ERO1A: variants seen among roughly 807,000 people sequenced by gnomAD.
ERO1A encodes the protein endoplasmic reticulum oxidoreductase 1 alpha.
Under a neutral mutation model 76.9 loss-of-function variants are expected in ERO1A, and 49 were observed. The observed-to-expected ratio is 0.64, with a 90% CI of 0.51 to 0.81. ERO1A has a LOEUF of 0.81. ERO1A is among the 30% of genes least tolerant of loss of function. ERO1A has a pLI of 0.00. For missense variants in ERO1A, 448 were observed against 542.1 expected (o/e 0.83, Z 1.72); for synonymous variants, 174 against 181.2 (o/e 0.96, Z 0.32).
chr14:52,658,762 T>C (rs544896051), intron 9 of ERO1A, among the ~76,000 whole-genome samples: 24 of 152,106 alleles, frequency 1.6e-4, no homozygotes, highest in Non-Finnish European at 2.9e-4. Flanking sequence ...ACTATCTAAC[T>C]AGTGAACATG....
chr14:52,680,082 C>CAAAAAAAAAAAAAAAAAAACAAAAAA (rs2040938992), intron 3 of ERO1A, among the ~76,000 whole-genome samples: 1 of 90,934 alleles, frequency 1.1e-5, no homozygotes, highest in Admixed American at 1.3e-4. Flanking sequence ...AAAACACAAA[C>CAAAAAAAAAAAAAAAAAAACAAAAAA]AAAAAAAAAA....
At chr14:52,671,078 A>G (rs1301960237) in intron 6 of ERO1A, among the ~76,000 whole-genome samples, 3 of 152,212 alleles carry the variant, frequency 2.0e-5, no homozygotes, top group Non-Finnish European at 2.9e-5. Context: ...TACATTTCAT[A>G]TAAGTGAAAT....
intron 8 of ERO1A, among the ~76,000 whole-genome samples, chr14:52,663,407 G>A (rs982891525): frequency 6.6e-6 from 1 of 151,926 alleles, no homozygotes; most frequent in Admixed American, 6.6e-5. Flanking sequence ...AGACCATCCT[G>A]GCTAACACGG....
chr14:52,690,744 T>C (rs1032890045), intron 1 of ERO1A, among the ~76,000 whole-genome samples: 1 of 152,210 alleles, frequency 6.6e-6, no homozygotes, highest in Non-Finnish European at 1.5e-5. Flanking sequence ...ATCAAAACAT[T>C]ATGTGGTACA....
chr14:52,677,162 C>T (rs2040813622), intron 4 of ERO1A, among the ~76,000 whole-genome samples: 1 of 152,006 alleles, frequency 6.6e-6, no homozygotes. Context: ...TAAAAAAAAT[C>T]ACTTTGGCTA....
chr14:52,671,011 C>A (rs1020680696), intron 6 of ERO1A, among the ~76,000 whole-genome samples: 1 of 152,190 alleles, frequency 6.6e-6, no homozygotes, highest in African/African-American at 2.4e-5. Context: ...CGCCTACCCA[C>A]CCCAACCTCT....
chr14:52,666,530 T>C (rs760589442), intron 6 of ERO1A, 35 bp from the exon 7 acceptor site: 3 of 1,572,474 alleles, frequency 1.9e-6, no homozygotes, highest in East Asian at 4.5e-5. Flanking sequence ...ACCTTTCTTA[T>C]CCTCAGTTAC....
intron 1 of ERO1A, 135 bp from the exon 2 acceptor site, chr14:52,684,042 G>A (rs908727296): frequency 3.5e-6 from 2 of 577,006 alleles, no homozygotes; most frequent in Non-Finnish European, 6.1e-6. Flanking sequence ...AGTTTCTTGA[G>A]ATGGGGTATG....
rs115102712 is a variant in ERO1A at position 52,692,484 on chromosome 14, T to C, written c.114+2884A>G. 3.2e-3 allele frequency among the ~76,000 whole-genome samples: 483 copies of C among 152,256 alleles called. 5 individuals carry two copies. Among genetic ancestry groups the C allele is most frequent in the African/African-American group, 0.011 (458 of 41,552 alleles). ...GCAACAGGAAGAAAAGATAAAACTA[T>C]TACCAAAACAATCAACGGGACTGTG... On this transcript the variant is annotated intron_variant, in intron 1 of 15. Coordinates refer to ENST00000395686, the MANE Select transcript of ERO1A (RefSeq NM_014584.3).
intron 4 of ERO1A, among the ~76,000 whole-genome samples, chr14:52,672,605 C>A (rs1346897710): frequency 1.1e-4 from 17 of 150,406 alleles, no homozygotes; most frequent in African/African-American, 4.1e-4. Flanking sequence ...CCCATCTCTA[C>A]AAAAAAAAAT....
At chr14:52,649,626 T>C (rs541773226) in intron 13 of ERO1A, among the ~76,000 whole-genome samples, 2 of 152,086 alleles carry the variant, frequency 1.3e-5, no homozygotes, top group East Asian at 3.9e-4. Context: ...CCAGAACACT[T>C]TCCAATAAAG....
rs2039659138 is a variant in ERO1A at position 52,646,447 on chromosome 14, C to A, written c.1140G>T (p.Leu380=). The A allele has an allele frequency of 6.2e-7, 1 of 1,610,538 alleles. No individual in the cohort carries two copies. Among genetic ancestry groups the A allele is most frequent in the Non-Finnish European group, 8.5e-7 (1 of 1,178,594 alleles). ...EAHKLKEDFR[L]HFRNISRIMD... ...TAATTCTTGAAATATTTCTAAAATG[C>A]AGTCGAAAGTCCTCCTGAAAACAAT... Residue 380 remains leucine (L), a synonymous_variant, in exon 14 of 16, where the codon CTG becomes CTT. Transcript: ENST00000395686.
intron 11 of ERO1A, among the ~76,000 whole-genome samples, chr14:52,654,036 T>C (rs552445928): frequency 6.6e-6 from 1 of 152,194 alleles, no homozygotes; most frequent in Middle Eastern, 3.4e-3. Flanking sequence ...ACAAAACAAA[T>C]ATCTTAATAA....
At chr14:52,672,785 A>C (rs2040649112) in intron 4 of ERO1A, among the ~76,000 whole-genome samples, 2 of 150,790 alleles carry the variant, frequency 1.3e-5, no homozygotes, top group South Asian at 2.1e-4. Context: ...CCAAAAAAAA[A>C]AAAAAAAACA....
At chr14:52,646,049 CAAAT>C in intron 15 of ERO1A, 101 bp downstream of exon 15, 1 of 1,283,158 alleles carries the variant, frequency 7.8e-7, no homozygotes, top group Non-Finnish European at 1.1e-6. Flanking sequence ...AATAAATAAA[CAAAT>C]AAAATAAAAA....
In ERO1A at chr14:52,640,066, C is replaced by CAACA. The variant is rs1276700154; in HGVS notation, c.*3500_*3503dup. 1 of 152,162 alleles carries CAACA rather than the reference C, an allele frequency of 6.6e-6. No homozygotes were observed. Among genetic ancestry groups the CAACA allele is most frequent in the Admixed American group, 6.5e-5 (1 of 15,284 alleles). The allele number at this position is 152,162 out of a possible 1,614,324, so 9.4% of individuals were successfully genotyped here. Reference sequence around the variant, plus strand: ...GATGTCACTTTAAAATCAATTTATTCAACAAACATTTATTAAACATTCATA... The same window carrying CAACA: ...GATGTCACTTTAAAATCAATTTATTCAACAAACAAACATTTATTAAACATTCATA... On this transcript the variant is annotated 3_prime_UTR_variant, in exon 16 of 16. Coordinates refer to ENST00000395686, the MANE Select transcript of ERO1A (RefSeq NM_014584.3).
chr14:52,646,721 T>C, intron 13 of ERO1A: 1 of 307,574 alleles, frequency 3.3e-6, no homozygotes, highest in Non-Finnish European at 5.9e-6. Flanking sequence ...AGTGTTTAGG[T>C]AACTTGCCTA....
chr14:52,689,168 G>A (rs996383403), intron 1 of ERO1A, among the ~76,000 whole-genome samples: 28 of 152,038 alleles, frequency 1.8e-4, no homozygotes, highest in African/African-American at 5.6e-4. Flanking sequence ...TGGTCAGGCT[G>A]GTCTCAAACT....
chr14:52,652,314 T>G lies in ERO1A; in HGVS notation c.1056-6A>C. On this transcript the variant is annotated splice_region_variant and splice_polypyrimidine_tract_variant and intron_variant, in intron 12 of 15. Coordinates refer to ENST00000395686, the MANE Select transcript of ERO1A (RefSeq NM_014584.3). Reference sequence around the variant, plus strand: ...CAAAATGCAAAGGAAATGACCTGCGTTTTAAAACAGAGAATATTCATTTTC... The same window carrying G: ...CAAAATGCAAAGGAAATGACCTGCGGTTTAAAACAGAGAATATTCATTTTC... 7 of 1,597,446 alleles carry G rather than the reference T, an allele frequency of 4.4e-6. No individual in the cohort carries two copies. Among genetic ancestry groups the G allele is most frequent in the Non-Finnish European group, 6.0e-6 (7 of 1,165,248 alleles).
Sources: allele counts gnomAD v4.1 joint callset (sites outside exome capture counted in the v4.1 genomes callset), GRCh38; gene constraint gnomAD v4.1.1; transcripts MANE v1.5; gene names NCBI Gene and HGNC (gene_info 2026-07-23, HGNC 2026-07-21).